Variants in SIN3A observed in about 807,000 individuals in gnomAD.
SIN3A encodes paired amphipathic helix protein Sin3a.
SIN3A carries 14 observed loss-of-function variants against 146.1 expected under a neutral mutation model. The observed-to-expected ratio is 0.10, with a 90% CI of 0.06 to 0.15. The LOEUF (loss-of-function observed/expected upper bound fraction) is 0.15. Among genes scored for constraint, SIN3A ranks in the 10% least tolerant of loss-of-function variants. The pLI is 1.00. For synonymous variants in SIN3A, 572 were observed against 572.0 expected (o/e 1.00, Z 0.00); for missense variants, 1,028 against 1,576.0 (o/e 0.65, Z 5.89).
chr15:75,379,055 A>T (rs1404272015), intron 19 of SIN3A, among the ~76,000 whole-genome samples: 1 of 151,926 alleles, frequency 6.6e-6, no homozygotes, highest in Non-Finnish European at 1.5e-5. Flanking sequence ...GCCTGCCACC[A>T]TGCCCAGCTA....
chr15:75,401,202 A>C (rs1161522273), intron 10 of SIN3A, among the ~76,000 whole-genome samples: 1 of 152,204 alleles, frequency 6.6e-6, no homozygotes, highest in Non-Finnish European at 1.5e-5. Flanking sequence ...TATTGCTTTA[A>C]TGTTCACATA....
intron 3 of SIN3A, among the ~76,000 whole-genome samples, chr15:75,417,378 CT>C (rs34223540): frequency 2.3e-3 from 317 of 140,652 alleles, no homozygotes; most frequent in Admixed American, 4.4e-3. Flanking sequence ...CAGTCTTTTT[CT>C]TTTTTTTTTT....
chr15:75,417,448 T>A (rs952062954), intron 3 of SIN3A, among the ~76,000 whole-genome samples: 7 of 151,288 alleles, frequency 4.6e-5, no homozygotes, highest in Non-Finnish European at 8.8e-5. Context: ...CAATCTCGGG[T>A]CACTGCAACT....
rs1281852505 is a variant in SIN3A at position 75,389,706 on chromosome 15, A to T, written c.2967T>A (p.Ile989=). Residue 989 remains isoleucine (I), a synonymous_variant, in exon 16 of 21, where the codon ATT becomes ATA. Transcript: ENST00000394947. The part of the protein sequence containing the change: ...YEDSLREMFT[I]HAYIAFTMDK... ...CCATGGTAAAGGCAATGTAGGCATG[A>T]ATGGTGAACATCTCTCTCAGTGAAT... 8 of 1,614,034 alleles carry T rather than the reference A, an allele frequency of 5.0e-6. No homozygotes were observed. The highest frequency in any genetic ancestry group is 6.8e-6 in the Non-Finnish European group (8 of 1,180,010).
chr15:75,442,324 T>C (rs139895673), intron 1 of SIN3A, among the ~76,000 whole-genome samples: 30 of 150,732 alleles, frequency 2.0e-4, no homozygotes, highest in African/African-American at 6.3e-4. Flanking sequence ...TGCAGTGGTT[T>C]TGATTGTTTT....
chr15:75,384,525 C>G, intron 16 of SIN3A, 88 bp from the exon 17 acceptor site: 6 of 387,592 alleles, frequency 1.5e-5, no homozygotes, highest in Non-Finnish European at 2.1e-5. Context: ...AGTCATTCAA[C>G]TCCAAAAAGG....
chr15:75,388,183 C>T (rs763529500), intron 16 of SIN3A: 1 of 152,220 alleles, frequency 6.6e-6, no homozygotes, highest in Admixed American at 6.5e-5. Context: ...TTGCTTTTTA[C>T]AAGTTTTCAC....
intron 9 of SIN3A, among the ~76,000 whole-genome samples, chr15:75,404,781 AAAAAAC>A (rs1475781961): frequency 5.9e-5 from 9 of 152,156 alleles, no homozygotes; most frequent in Admixed American, 2.6e-4. Context: ...AAAAAAAACA[AAAAAAC>A]AAAAACAAAA....
chr15:75,394,669 C>G lies in SIN3A; in HGVS notation c.2277+11G>C, dbSNP rs531533339. ...AGAGTCCTCTCACAGATGCAGAAAC[C>G]CCCCGCTCACCTCATCATAGATACT... is the stretch of plus-strand genomic sequence containing the variant. On this transcript the variant is annotated intron_variant, in intron 14 of 20. Coordinates refer to ENST00000394947, the MANE Select transcript of SIN3A (RefSeq NM_001145358.2). 3 of 1,594,292 alleles carry G rather than the reference C, an allele frequency of 1.9e-6. No individual in the cohort carries two copies. Among genetic ancestry groups the G allele is most frequent in the Admixed American group, 1.8e-5 (1 of 56,094 alleles).
At chr15:75,446,810 C>T (rs981514630) in intron 1 of SIN3A, among the ~76,000 whole-genome samples, 1 of 151,990 alleles carries the variant, frequency 6.6e-6, no homozygotes, top group African/African-American at 2.4e-5. Flanking sequence ...CTCGCTCTGT[C>T]GCCCAGGCTA....
chr15:75,386,884 C>A (rs1022164683), intron 16 of SIN3A, among the ~76,000 whole-genome samples: 2 of 152,210 alleles, frequency 1.3e-5, no homozygotes, highest in Non-Finnish European at 1.5e-5. Flanking sequence ...CGGCTCACTG[C>A]AGCCTCAACT....
chr15:75,433,243 T>C (rs1176078298), intron 1 of SIN3A, among the ~76,000 whole-genome samples: 2 of 152,174 alleles, frequency 1.3e-5, no homozygotes, highest in East Asian at 3.9e-4. Flanking sequence ...AGCTTTCTAA[T>C]TTTGGCCCTG....
intron 13 of SIN3A, 35 bp downstream of exon 13, chr15:75,396,223 A>T (rs2073300580): frequency 7.0e-7 from 1 of 1,430,804 alleles, no homozygotes; most frequent in Non-Finnish European, 9.8e-7. Flanking sequence ...GTAGTGAAGT[A>T]CACTAAAGCA....
chr15:75,429,777 G>C (rs1000589931), intron 2 of SIN3A, among the ~76,000 whole-genome samples: 1 of 152,110 alleles, frequency 6.6e-6, no homozygotes, highest in African/African-American at 2.4e-5. Flanking sequence ...CAGTGAAAAT[G>C]GTGGAATTAC....
intron 20 of SIN3A, among the ~76,000 whole-genome samples, chr15:75,373,293 T>G (rs2072787982): frequency 6.6e-6 from 1 of 151,966 alleles, no homozygotes; most frequent in South Asian, 2.1e-4. Context: ...CAAGAGAATC[T>G]CTTGAACCCG....
At position 75,396,441 on chromosome 15, in the gene SIN3A, T is replaced by C. The variant is rs761010647; in HGVS notation, c.1910A>G (p.Gln637Arg). ...LATIRVLEAIQKKLSRLSAEE... is the reference protein window; with the variant it reads ...LATIRVLEAIRKKLSRLSAEE... ...AGCAGACAAGCGGGAAAGCTTCTTC[T>C]GTATTGCTTCCAGAACCCGGATTGT... is the stretch of plus-strand genomic sequence containing the variant. Residue 637 changes from glutamine (Q) to arginine (R), a missense_variant, in exon 13 of 21, where the codon CAG (glutamine) becomes CGG (arginine). Physicochemically the swap from Gln to Arg is conservative, Grantham distance 43. Coordinates refer to ENST00000394947, the MANE Select transcript of SIN3A (RefSeq NM_001145358.2). 1 of 1,614,180 alleles carries C rather than the reference T, an allele frequency of 6.2e-7. No homozygotes were observed. The highest frequency in any genetic ancestry group is 8.5e-7 in the Non-Finnish European group (1 of 1,180,034).
chr15:75,384,122 T>C, intron 17 of SIN3A, 142 bp downstream of exon 17: 1 of 512,694 alleles, frequency 2.0e-6, no homozygotes, highest in Non-Finnish European at 3.4e-6. Context: ...TACTTCCACT[T>C]TGTAGTTCTC....
intron 1 of SIN3A, among the ~76,000 whole-genome samples, chr15:75,450,456 C>A (rs1432762484): frequency 6.6e-6 from 1 of 152,206 alleles, no homozygotes; most frequent in African/African-American, 2.4e-5. Context: ...CATTTCTAGT[C>A]TCTGATGACT....
In SIN3A at chr15:75,410,000, G is replaced by A; in HGVS notation, c.1162-9C>T. 1 of 1,613,904 alleles carries A rather than the reference G, an allele frequency of 6.2e-7. No homozygotes were observed. The highest frequency in any genetic ancestry group is 8.5e-7 in the Non-Finnish European group (1 of 1,179,874). Reference sequence around the variant, plus strand: ...GTTGTTTTGCTTAAAAGCTGATTAAGACACATGAATGAGATTAATGCTCTT... The same window carrying A: ...GTTGTTTTGCTTAAAAGCTGATTAAAACACATGAATGAGATTAATGCTCTT... On this transcript the variant is annotated splice_polypyrimidine_tract_variant and intron_variant, in intron 7 of 20. Transcript: ENST00000394947.
Sources: gnomAD v4.1 joint callset for allele counts (sites outside exome capture counted in the v4.1 genomes callset) on GRCh38, gnomAD v4.1.1 for gene constraint, MANE v1.5 for transcripts, NCBI Gene and HGNC (gene_info 2026-07-23, HGNC 2026-07-21) for gene names.